The following PALLD variants were observed in gnomAD, a reference collection of about 807,000 sequenced individuals.
PALLD encodes the protein palladin, cytoskeletal associated protein, also known as palladin.
Under a neutral mutation model 123.5 loss-of-function variants are expected in PALLD, and 61 were observed. The observed-to-expected ratio is 0.49, with a 90% CI of 0.40 to 0.61. PALLD has a LOEUF of 0.61. PALLD is among the 20% of genes least tolerant of loss of function. The pLI is 0.00. For missense variants in PALLD, 1,273 were observed against 1,377.0 expected (o/e 0.92, Z 1.20); for synonymous variants, 465 against 496.4 (o/e 0.94, Z 0.84).
intron 10 of PALLD, among the ~76,000 whole-genome samples, chr4:168,881,210 T>C (rs538651929): frequency 6.6e-6 from 1 of 152,310 alleles, no homozygotes; most frequent in South Asian, 2.1e-4. Context: ...CAGTCTCTCT[T>C]AGTTTGCTTA....
At chr4:168,623,628 A>C (rs1341213502) in intron 2 of PALLD, among the ~76,000 whole-genome samples, 1 of 152,232 alleles carries the variant, frequency 6.6e-6, no homozygotes, top group Non-Finnish European at 1.5e-5. Context: ...CATAGATCAC[A>C]GTGGTTCAGA....
At chr4:168,556,113 T>C (rs1207798112) in intron 2 of PALLD, among the ~76,000 whole-genome samples, 2 of 151,322 alleles carry the variant, frequency 1.3e-5, no homozygotes, top group Non-Finnish European at 3.0e-5. Flanking sequence ...TTTTTTTTTT[T>C]GAGACAGAGT....
At chr4:168,713,248 G>C (rs1199986053) in intron 10 of PALLD, among the ~76,000 whole-genome samples, 3 of 152,220 alleles carry the variant, frequency 2.0e-5, no homozygotes, top group Non-Finnish European at 4.4e-5. Flanking sequence ...TCTCCATTCA[G>C]AGGCTGAACA....
At chr4:168,730,452 C>T (rs1359093125) in intron 10 of PALLD, among the ~76,000 whole-genome samples, 1 of 152,076 alleles carries the variant, frequency 6.6e-6, no homozygotes, top group African/African-American at 2.4e-5. Flanking sequence ...CCCCTGTTCC[C>T]TGCATTGTCT....
chr4:168,846,272 G>A (rs1746829292), intron 10 of PALLD, among the ~76,000 whole-genome samples: 1 of 152,162 alleles, frequency 6.6e-6, no homozygotes, highest in Non-Finnish European at 1.5e-5. Flanking sequence ...GTTTTCTCAT[G>A]TTTCCTTTTA....
intron 2 of PALLD, among the ~76,000 whole-genome samples, chr4:168,579,494 T>C (rs1362731039): frequency 6.6e-6 from 1 of 152,208 alleles, no homozygotes; most frequent in East Asian, 1.9e-4. Context: ...CACAAATATG[T>C]ATAAATCAAC....
At chr4:168,739,028 G>A (rs977742271) in intron 10 of PALLD, among the ~76,000 whole-genome samples, 49 of 152,156 alleles carry the variant, frequency 3.2e-4, no homozygotes, top group African/African-American at 1.1e-3. Flanking sequence ...TGCAATATTT[G>A]TTTTTCTTTG....
rs185065019 is a variant in PALLD, at chr4:168,505,625, G to T, written c.-82-5798G>T. ...CATGAGCTCTGGAGTTATTCCCTGG[G>T]CTTAAACCTTGGTTCTCCCACTCAG... On this transcript the variant is annotated intron_variant, in intron 1 of 21. Transcript: ENST00000505667. Among the ~76,000 whole-genome samples the T allele has an allele frequency of 7.2e-3, 1,097 of 152,250 alleles. 2 individuals are homozygous for T. The highest frequency in any genetic ancestry group is 0.012 in the Admixed American group (178 of 15,290).
intron 10 of PALLD, among the ~76,000 whole-genome samples, chr4:168,778,218 T>C (rs1284354411): frequency 2.0e-5 from 3 of 152,136 alleles, no homozygotes; most frequent in Admixed American, 1.3e-4. Flanking sequence ...CAGAATGTTT[T>C]TAGTAGGATC....
chr4:168,576,447 C>T (rs1769604372), intron 2 of PALLD, among the ~76,000 whole-genome samples: 1 of 151,974 alleles, frequency 6.6e-6, no homozygotes, highest in Non-Finnish European at 1.5e-5. Flanking sequence ...CATGTGTTCT[C>T]ATTGTTCAAT....
intron 2 of PALLD, among the ~76,000 whole-genome samples, chr4:168,637,256 G>T (rs1776433783): frequency 6.6e-6 from 1 of 151,998 alleles, no homozygotes; most frequent in African/African-American, 2.4e-5. Context: ...CCTGAAGACG[G>T]TGCCTAGGAG....
chr4:168,542,824 T>C (rs1765773432), intron 2 of PALLD, among the ~76,000 whole-genome samples: 1 of 146,044 alleles, frequency 6.8e-6, no homozygotes. Flanking sequence ...ATCTTTCACA[T>C]CCTTAAAAAG....
intron 2 of PALLD, among the ~76,000 whole-genome samples, chr4:168,664,422 T>G (rs904105803): frequency 1.4e-4 from 21 of 152,232 alleles, no homozygotes; most frequent in African/African-American, 4.1e-4. Context: ...TGGCTCATTA[T>G]GTAATAAAAC....
rs1762650950 is a variant in PALLD, at chr4:168,926,960, CAA to C, written c.*783_*784del. 4.6e-6 allele frequency: 1 copy of C among 219,440 alleles called. No homozygotes were observed. The highest frequency in any genetic ancestry group is 2.2e-5 in the African/African-American group (1 of 44,620). 13.6% of individuals were successfully genotyped at this position (219,440 alleles called of 1,614,324 possible). A position where few individuals can be genotyped will look rare whatever the true frequency, so the allele number is the denominator to read the frequency against. ...AACTACTTGCCTTAAATGTTAATATCAAAAGAGTTTTCTAACAAGGTTAATAC... is the reference window on the plus strand; with the variant it reads ...AACTACTTGCCTTAAATGTTAATATCAAGAGTTTTCTAACAAGGTTAATAC... On this transcript the variant is annotated 3_prime_UTR_variant, in exon 22 of 22. Coordinates refer to ENST00000505667, the MANE Select transcript of PALLD (RefSeq NM_001166108.2).
At chr4:168,793,193 A>G (rs28366954) in intron 10 of PALLD, among the ~76,000 whole-genome samples, 29,114 of 94,880 alleles carry the variant, frequency 0.31, 5,221 homozygotes, top group Non-Finnish European at 0.38. Flanking sequence ...ATACATATAT[A>G]TGTGTGCATA....
intron 2 of PALLD, among the ~76,000 whole-genome samples, chr4:168,644,043 A>G (rs1369708770): frequency 6.6e-6 from 1 of 150,532 alleles, no homozygotes; most frequent in African/African-American, 2.4e-5. Context: ...TTTGGTAATT[A>G]GTCCCATTTG....
intron 2 of PALLD, among the ~76,000 whole-genome samples, chr4:168,630,602 C>T (rs1213873254): frequency 2.6e-5 from 4 of 152,178 alleles, no homozygotes. Context: ...ATTTCCGGAA[C>T]GCATTTTTTG....
intron 2 of PALLD, among the ~76,000 whole-genome samples, chr4:168,631,184 A>T (rs1424604761): frequency 6.6e-6 from 1 of 152,232 alleles, no homozygotes; most frequent in African/African-American, 2.4e-5. Flanking sequence ...AATTTAACTC[A>T]CAAGAGGTAA....
chr4:168,832,261 T>C (rs957019615), intron 10 of PALLD: 2 of 814,088 alleles, frequency 2.5e-6, no homozygotes, highest in Non-Finnish European at 1.5e-6. Context: ...GAGTCGGGAG[T>C]GCAGGGCTCG....
Sources: gnomAD v4.1 joint callset for allele counts (sites outside exome capture counted in the v4.1 genomes callset) on GRCh38, gnomAD v4.1.1 for gene constraint, MANE v1.5 for transcripts, NCBI Gene and HGNC (gene_info 2026-07-23, HGNC 2026-07-21) for gene names.